VOPP1: variants seen among roughly 807,000 people sequenced by gnomAD.
VOPP1 encodes the protein VOPP1 WW domain binding protein, also known as WW domain binding protein VOPP1.
In VOPP1, 8 loss-of-function variants were observed where a neutral mutation model predicts 23.5. That is an observed-to-expected ratio of 0.34 (90% CI 0.20 to 0.61). The LOEUF is 0.61. Among genes scored for constraint, VOPP1 ranks in the 20% least tolerant of loss-of-function variants. The pLI is 0.78. For synonymous variants in VOPP1, 83 were observed against 97.3 expected (o/e 0.85, Z 0.86); for missense variants, 174 against 238.1 (o/e 0.73, Z 1.77).
At chr7:55,531,384 G>T (rs535382505) in intron 1 of VOPP1, among the ~76,000 whole-genome samples, 1 of 140,506 alleles carries the variant, frequency 7.1e-6, no homozygotes, top group South Asian at 2.2e-4. Context: ...GAGTCTCGCT[G>T]TGTCGCCCAT....
intron 1 of VOPP1, among the ~76,000 whole-genome samples, chr7:55,556,221 T>C (rs566787246): frequency 2.0e-5 from 3 of 152,146 alleles, no homozygotes; most frequent in Non-Finnish European, 4.4e-5. Flanking sequence ...GCAGGCTACC[T>C]AGCAAGGCAG....
intron 4 of VOPP1, among the ~76,000 whole-genome samples, chr7:55,483,138 C>T (rs1221898210): frequency 6.6e-6 from 1 of 152,158 alleles, no homozygotes; most frequent in East Asian, 1.9e-4. Flanking sequence ...CACAGCCCAT[C>T]CTTCAATGCT....
chr7:55,447,275 G>C (rs556122206), intron 4 of VOPP1, among the ~76,000 whole-genome samples: 10 of 152,346 alleles, frequency 6.6e-5, no homozygotes, highest in Non-Finnish European at 1.3e-4. Context: ...TCCTGATTCG[G>C]ATTGGGGAAC....
At chr7:55,549,382 C>A (rs1797505901) in intron 1 of VOPP1, among the ~76,000 whole-genome samples, 1 of 152,174 alleles carries the variant, frequency 6.6e-6, no homozygotes, top group Admixed American at 6.5e-5. Flanking sequence ...CATGCACGGG[C>A]CCATGGCTTA....
chr7:55,546,247 G>A (rs1488723792), intron 1 of VOPP1, among the ~76,000 whole-genome samples: 1 of 152,226 alleles, frequency 6.6e-6, no homozygotes, highest in Non-Finnish European at 1.5e-5. Context: ...TTACAAGACA[G>A]TCGAGGGAGA....
At chr7:55,499,223 C>T (rs1794193099) in intron 2 of VOPP1, among the ~76,000 whole-genome samples, 1 of 152,094 alleles carries the variant, frequency 6.6e-6, no homozygotes, top group Non-Finnish European at 1.5e-5. Flanking sequence ...GAGGCCAAGG[C>T]AGGTGGACCA....
chr7:55,544,088 A>C (rs555606931), intron 1 of VOPP1, among the ~76,000 whole-genome samples: 1 of 152,304 alleles, frequency 6.6e-6, no homozygotes, highest in African/African-American at 2.4e-5. Flanking sequence ...TGATTTTTGT[A>C]CATGGCGAGA....
intron 1 of VOPP1, among the ~76,000 whole-genome samples, chr7:55,551,448 A>G (rs1228792072): frequency 6.6e-6 from 1 of 152,254 alleles, no homozygotes; most frequent in Non-Finnish European, 1.5e-5. Flanking sequence ...TGCTCCCCAA[A>G]GCATGCCTCG....
At chr7:55,512,212 G>A (rs1795115105) in intron 2 of VOPP1, among the ~76,000 whole-genome samples, 2 of 152,140 alleles carry the variant, frequency 1.3e-5, no homozygotes, top group South Asian at 4.1e-4. Flanking sequence ...GATCACTTGA[G>A]GTCAGGAGTT....
chr7:55,510,570 C>CTTTTT (rs34545604), intron 2 of VOPP1, among the ~76,000 whole-genome samples: 8 of 119,794 alleles, frequency 6.7e-5, no homozygotes, highest in African/African-American at 2.2e-4. Context: ...AGGGCACTGG[C>CTTTTT]TTTTTTTTTT....
chr7:55,466,548 A>T (rs147340765), downstream of VOPP1, among the ~76,000 whole-genome samples: 1,857 of 152,356 alleles, frequency 0.012, 10 homozygotes, highest in Non-Finnish European at 0.019. Flanking sequence ...CTCTAGTGCC[A>T]GAGAAATTTT....
intron 1 of VOPP1, among the ~76,000 whole-genome samples, chr7:55,545,668 T>A (rs1262353007): frequency 1.3e-5 from 2 of 152,018 alleles, no homozygotes; most frequent in African/African-American, 2.4e-5. Context: ...TCAAGAGGGA[T>A]CCACTGAGCT....
intron 2 of VOPP1, among the ~76,000 whole-genome samples, chr7:55,517,304 C>T (rs1211168020): frequency 6.6e-6 from 1 of 151,824 alleles, no homozygotes; most frequent in East Asian, 1.9e-4. Context: ...TGACTAGTCA[C>T]TCTCACATGA....
chr7:55,547,689 G>A (rs1797427353), intron 1 of VOPP1, among the ~76,000 whole-genome samples: 1 of 152,106 alleles, frequency 6.6e-6, no homozygotes, highest in African/African-American at 2.4e-5. Context: ...TTGAGATAAA[G>A]AAACTTTACA....
intron 2 of VOPP1, among the ~76,000 whole-genome samples, chr7:55,512,250 G>GC (rs1795118545): frequency 6.6e-6 from 1 of 151,868 alleles, no homozygotes; most frequent in Admixed American, 6.6e-5. Context: ...ACATGGTGAA[G>GC]CCCCATCTCT....
intron 2 of VOPP1, among the ~76,000 whole-genome samples, chr7:55,504,065 G>A (rs941712228): frequency 8.5e-5 from 13 of 152,114 alleles, no homozygotes; most frequent in African/African-American, 2.2e-4. Context: ...TGGGGAGTTC[G>A]AGAATCCAAT....
At chr7:55,488,274 G>A (rs1356300547) in intron 4 of VOPP1, among the ~76,000 whole-genome samples, 1 of 152,118 alleles carries the variant, frequency 6.6e-6, no homozygotes, top group Non-Finnish European at 1.5e-5. Context: ...GGCCTACCCT[G>A]GGTCTCACAG....
At chr7:55,562,732 T>G (rs1220332305) in intron 1 of VOPP1, among the ~76,000 whole-genome samples, 2 of 152,180 alleles carry the variant, frequency 1.3e-5, no homozygotes, top group East Asian at 3.9e-4. Context: ...TTGGCAGGAC[T>G]CTTGCTGAAA....
chr7:55,448,997 T>C (rs1583795656), intron 4 of VOPP1, among the ~76,000 whole-genome samples: 2 of 152,128 alleles, frequency 1.3e-5, no homozygotes, highest in African/African-American at 4.8e-5. Flanking sequence ...CCATGAAAAA[T>C]ATTGGAGTAA....
Sources: gnomAD v4.1 joint callset for allele counts (sites outside exome capture counted in the v4.1 genomes callset) on GRCh38, gnomAD v4.1.1 for gene constraint, MANE v1.5 for transcripts, NCBI Gene and HGNC (gene_info 2026-07-23, HGNC 2026-07-21) for gene names.